Variants in CCDC172 observed in about 807,000 individuals in gnomAD.
CCDC172 encodes the protein coiled-coil domain-containing protein 172.
CCDC172 carries 30 observed loss-of-function variants against 38.0 expected under a neutral mutation model. The ratio of observed to expected loss-of-function variants is 0.79; its 90% CI spans 0.59 to 1.07. The LOEUF (loss-of-function observed/expected upper bound fraction) is 1.07. CCDC172 is among the 50% of genes least tolerant of loss of function. The pLI is 0.00. For synonymous variants in CCDC172, 78 were observed against 88.3 expected, an observed-to-expected ratio of 0.88 and a Z score of 0.66; for missense variants, 297 against 290.1, an observed-to-expected ratio of 1.02 and a Z score of -0.17.
chr10:116,325,058 A>T lies in CCDC172; in HGVS notation c.47A>T (p.Gln16Leu). ...LFQHIIFTEH[Q>L]AEESRRLMRE... Reference sequence around the variant, plus strand: ...CAGCACATCATCTTCACCGAGCATCAGGCGGAGGAGAGTCGCCGTTTGATG... The same window carrying T: ...CAGCACATCATCTTCACCGAGCATCTGGCGGAGGAGAGTCGCCGTTTGATG... The change falls in exon 2 of 9, where the codon CAG (glutamine) becomes CTG (leucine). Residue 16 changes from glutamine to leucine, a missense_variant. By Grantham distance (113) the Gln-to-Leu change is moderately radical. Coordinates refer to ENST00000333254, the MANE Select transcript of CCDC172 (RefSeq NM_198515.3). 6.2e-7 allele frequency: 1 copy of T among 1,614,056 alleles called. No individual in the cohort carries two copies. Among genetic ancestry groups the T allele is most frequent in the Non-Finnish European group, 8.5e-7 (1 of 1,180,012 alleles).
intron 5 of CCDC172, among the ~76,000 whole-genome samples, chr10:116,353,928 C>G (rs1248472669): frequency 1.3e-5 from 2 of 152,178 alleles, no homozygotes; most frequent in East Asian, 3.9e-4. Context: ...GCTTTGGAAG[C>G]AGTTTGGCCG....
intron 5 of CCDC172, among the ~76,000 whole-genome samples, chr10:116,349,733 T>C (rs372715281): frequency 2.0e-5 from 3 of 152,264 alleles, no homozygotes; most frequent in African/African-American, 7.2e-5. Flanking sequence ...GGACCTGGTG[T>C]TACTGTAGTG....
At chr10:116,342,939 C>A (rs901560713) in intron 5 of CCDC172, among the ~76,000 whole-genome samples, 1 of 152,168 alleles carries the variant, frequency 6.6e-6, no homozygotes, top group Non-Finnish European at 1.5e-5. Context: ...CTTCCAGAAC[C>A]ATGAGCTAAG....
intron 5 of CCDC172, 61 bp downstream of exon 5, chr10:116,342,262 T>G: frequency 6.9e-7 from 1 of 1,449,104 alleles, no homozygotes; most frequent in Non-Finnish European, 9.1e-7. Context: ...TTTGAATGAA[T>G]GAATTTTCCA....
chr10:116,363,961 G>A (rs1255112072), intron 7 of CCDC172, among the ~76,000 whole-genome samples: 1 of 150,536 alleles, frequency 6.6e-6, no homozygotes, highest in Non-Finnish European at 1.5e-5. Context: ...AATAATAATA[G>A]ATTTAAAGTT....
intron 5 of CCDC172, among the ~76,000 whole-genome samples, chr10:116,354,379 C>T (rs1010578484): frequency 6.6e-6 from 1 of 151,984 alleles, no homozygotes; most frequent in Non-Finnish European, 1.5e-5. Context: ...GTAAAACAGC[C>T]TCAGGCAGGT....
chr10:116,379,407 A>C lies in CCDC172; in HGVS notation c.*49A>C, dbSNP rs1668260727. On this transcript the variant is annotated 3_prime_UTR_variant, in exon 9 of 9. Coordinates refer to ENST00000333254, the MANE Select transcript of CCDC172 (RefSeq NM_198515.3). The stretch of plus-strand genomic sequence containing the variant: ...CTGAGATTTGATCAGAATATCTGAG[A>C]ATCAAATCTTTGTGATAGATATATG... The C allele has an allele frequency of 7.5e-7, 1 of 1,335,212 alleles. No homozygotes were observed. The highest frequency in any genetic ancestry group is 1.5e-5 in the African/African-American group (1 of 67,938). 82.7% of individuals were successfully genotyped at this position (1,335,212 alleles called of 1,614,324 possible).
intron 5 of CCDC172, among the ~76,000 whole-genome samples, chr10:116,344,196 A>G (rs1367344858): frequency 1.3e-5 from 2 of 152,220 alleles, no homozygotes; most frequent in Non-Finnish European, 2.9e-5. Context: ...ACTTGAATCC[A>G]TTTGCAATCA....
At chr10:116,346,666 A>AAG (rs398114811) in intron 5 of CCDC172, among the ~76,000 whole-genome samples, 1 of 151,654 alleles carries the variant, frequency 6.6e-6, no homozygotes, top group Admixed American at 6.6e-5. Flanking sequence ...GAAAAAAAAA[A>AAG]GTCCCTGATA....
At chr10:116,353,020 C>G (rs561706151) in intron 5 of CCDC172, among the ~76,000 whole-genome samples, 1 of 151,808 alleles carries the variant, frequency 6.6e-6, no homozygotes, top group African/African-American at 2.4e-5. Flanking sequence ...GGTGAAACCC[C>G]GTCTCTACTC....
intron 3 of CCDC172, among the ~76,000 whole-genome samples, chr10:116,337,579 T>G (rs1047068575): frequency 6.6e-6 from 1 of 152,226 alleles, no homozygotes; most frequent in African/African-American, 2.4e-5. Context: ...GTCTGTATTC[T>G]TTTGGGATCT....
intron 5 of CCDC172, among the ~76,000 whole-genome samples, chr10:116,348,779 G>T (rs915123847): frequency 2.0e-5 from 3 of 152,044 alleles, no homozygotes; most frequent in Non-Finnish European, 4.4e-5. Flanking sequence ...AAGGCATGCT[G>T]CCCTCTTTTG....
At chr10:116,367,778 T>C (rs1845140944) in intron 7 of CCDC172, among the ~76,000 whole-genome samples, 1 of 152,162 alleles carries the variant, frequency 6.6e-6, no homozygotes, top group Non-Finnish European at 1.5e-5. Flanking sequence ...TCATTATAGC[T>C]ACTTTTCTTC....
At position 116,325,068 on chromosome 10, in the gene CCDC172, G is replaced by A; in HGVS notation, c.57G>A (p.Glu19=). The A allele has an allele frequency of 2.5e-6, 4 of 1,614,036 alleles. No individual in the cohort carries two copies. The highest frequency in any genetic ancestry group is 2.5e-6 in the Non-Finnish European group (3 of 1,180,020). ...TCTTCACCGAGCATCAGGCGGAGGA[G>A]AGTCGCCGTTTGATGCGAGAAGGTC... ...HIIFTEHQAE[E]SRRLMREVRS... is the part of the protein sequence containing the mutation. Residue 19 remains glutamate (E), a synonymous_variant, in exon 2 of 9, where the codon GAG becomes GAA. Transcript: ENST00000333254.
At chr10:116,375,852 G>C (rs1368043718) in intron 7 of CCDC172, among the ~76,000 whole-genome samples, 1 of 152,144 alleles carries the variant, frequency 6.6e-6, no homozygotes, top group African/African-American at 2.4e-5. Flanking sequence ...AGTTAGAATG[G>C]TGATCATTAA....
chr10:116,330,681 T>G (rs1844651513), intron 3 of CCDC172, among the ~76,000 whole-genome samples: 1 of 152,150 alleles, frequency 6.6e-6, no homozygotes, highest in Non-Finnish European at 1.5e-5. Context: ...TACAAAAGAT[T>G]GAGTAGAAGC....
intron 5 of CCDC172, among the ~76,000 whole-genome samples, chr10:116,352,929 C>T (rs1388617012): frequency 6.6e-6 from 1 of 152,108 alleles, no homozygotes; most frequent in Non-Finnish European, 1.5e-5. Context: ...CACAGTGGCT[C>T]ATGCCTGTAA....
intron 5 of CCDC172, among the ~76,000 whole-genome samples, chr10:116,344,825 A>G (rs1193307412): frequency 6.6e-6 from 1 of 151,578 alleles, no homozygotes; most frequent in Non-Finnish European, 1.5e-5. Context: ...TTATTCTACA[A>G]CTTTCTTCTA....
intron 5 of CCDC172, among the ~76,000 whole-genome samples, chr10:116,355,405 AC>A (rs1844983988): frequency 6.6e-6 from 1 of 152,152 alleles, no homozygotes; most frequent in Admixed American, 6.6e-5. Context: ...GTAGTAGGCT[AC>A]CCCATCTTAG....
Sources: gnomAD v4.1 joint callset for allele counts (sites outside exome capture counted in the v4.1 genomes callset) on GRCh38, gnomAD v4.1.1 for gene constraint, MANE v1.5 for transcripts, NCBI Gene and HGNC (gene_info 2026-07-23, HGNC 2026-07-21) for gene names.